DYNC2H1: variants seen among roughly 807,000 people sequenced by gnomAD.
The protein encoded by DYNC2H1 is dynein cytoplasmic 2 heavy chain 1.
DYNC2H1 carries 410 observed loss-of-function variants against 570.0 expected under a neutral mutation model. The ratio of observed to expected loss-of-function variants is 0.72; its 90% CI spans 0.66 to 0.78. The LOEUF (loss-of-function observed/expected upper bound fraction) is 0.78, where lower values mean the gene tolerates loss of function less well. Ranked by LOEUF, DYNC2H1 falls within the 30% of genes least tolerant of loss-of-function variation. The pLI is 0.00. For missense variants in DYNC2H1, 4,865 were observed against 5,046.4 expected (o/e 0.96, Z 1.09); for synonymous variants, 1,688 against 1,677.6 (o/e 1.01, Z -0.15).
chr11:103,327,525 A>C lies in DYNC2H1; in HGVS notation c.12039+3535A>C, dbSNP rs114330300. On this transcript the variant is annotated intron_variant, in intron 82 of 88. Transcript: ENST00000375735. Reference sequence around the variant, plus strand: ...ACCTTCTCTTGAAAGTTCTATTATTAACAGAACATGGCTTCTGCAACTGCT... The same window carrying C: ...ACCTTCTCTTGAAAGTTCTATTATTCACAGAACATGGCTTCTGCAACTGCT... 9.7e-3 allele frequency among the ~76,000 whole-genome samples: 1,470 copies of C among 152,306 alleles called. 19 individuals carry two copies. The highest frequency in any genetic ancestry group is 0.026 in the African/African-American group (1,093 of 41,566).
Position 103,186,294 on chromosome 11 carries a change from C to T in DYNC2H1, c.6686C>T (p.Thr2229Ile), listed in dbSNP as rs1327163269. The change falls in exon 42 of 89, where the codon ACC becomes ATC. Residue 2229 changes from threonine (T) to isoleucine (I), a missense_variant. By Grantham distance (89) the Thr-to-Ile change is moderately conservative (BLOSUM62 -1). Transcript: ENST00000375735. The surrounding 1 kb of genome is among the most constrained non-coding windows in gnomAD (Gnocchi z 4.5). ...CCAGACTTTCACAAACCTATGGATA[C>T]CTACTATGACTCTACTAGGGGTCGA... The part of the protein sequence containing the change: ...SPPDFHKPMD[T>I]YYDSTRGRLA... The T allele has an allele frequency of 6.2e-7, 1 of 1,612,340 alleles. No homozygotes were observed. Among genetic ancestry groups the T allele is most frequent in the Non-Finnish European group, 8.5e-7 (1 of 1,178,996 alleles).
At chr11:103,323,799 C>T in intron 81 of DYNC2H1, 87 bp from the exon 82 acceptor site, 1 of 971,512 alleles carries the variant, frequency 1.0e-6, no homozygotes, top group South Asian at 1.8e-5. Context: ...AATAATTGAA[C>T]ATTTCAAAGT....
At chr11:103,357,378 C>A (rs532555890) in intron 82 of DYNC2H1, among the ~76,000 whole-genome samples, 2 of 152,104 alleles carry the variant, frequency 1.3e-5, no homozygotes, top group African/African-American at 2.4e-5. Flanking sequence ...TTCATTAGAG[C>A]CTTGTATGTA....
chr11:103,188,977 C>T (rs901503388), intron 44 of DYNC2H1, among the ~76,000 whole-genome samples: 1 of 151,700 alleles, frequency 6.6e-6, no homozygotes, highest in Non-Finnish European at 1.5e-5. Flanking sequence ...ACAAAAATAC[C>T]ATCAAATTTA....
At position 103,268,222 on chromosome 11, in the gene DYNC2H1, T is replaced by C. The variant is rs1448145431; in HGVS notation, c.10695+8245T>C. On this transcript the variant is annotated intron_variant, in intron 70 of 88. Coordinates refer to ENST00000375735, the MANE Select transcript of DYNC2H1 (RefSeq NM_001377.3). The surrounding 1 kb of genome is among the most constrained non-coding windows in gnomAD (Gnocchi z 4.6). ...CTACCCACATAATAATAAAGGTATA[T>C]CTTTATCTCCTTTGTTGCACCTTAT... is the stretch of plus-strand genomic sequence containing the variant. Among the ~76,000 whole-genome samples, 1 of 152,080 alleles carries C rather than the reference T, an allele frequency of 6.6e-6. No homozygotes were observed. Among genetic ancestry groups the C allele is most frequent in the Non-Finnish European group, 1.5e-5 (1 of 67,938 alleles).
chr11:103,469,072 A>G (rs533975947), intron 88 of DYNC2H1, among the ~76,000 whole-genome samples: 51 of 152,290 alleles, frequency 3.3e-4, no homozygotes, highest in African/African-American at 1.2e-3. Flanking sequence ...CAGCCATGCA[A>G]GGCAGATATT....
At chr11:103,418,879 G>A (rs573233446) in intron 84 of DYNC2H1, among the ~76,000 whole-genome samples, 11 of 152,182 alleles carry the variant, frequency 7.2e-5, no homozygotes, top group South Asian at 4.1e-4. Flanking sequence ...CCTTGGGTCC[G>A]AAACACAGAG....
At chr11:103,389,245 G>C (rs2514394) in intron 83 of DYNC2H1, among the ~76,000 whole-genome samples, 3 of 152,024 alleles carry the variant, frequency 2.0e-5, no homozygotes, top group Admixed American at 1.3e-4. Context: ...TGTATGTGTC[G>C]AGGAATTTAT....
intron 88 of DYNC2H1, among the ~76,000 whole-genome samples, chr11:103,470,775 A>G (rs1489302494): frequency 1.3e-5 from 2 of 152,216 alleles, no homozygotes; most frequent in East Asian, 1.9e-4. Context: ...ATAGCATTCC[A>G]TGGTGTATAT....
At chr11:103,361,771 GAAAC>G (rs763161494) in intron 83 of DYNC2H1, among the ~76,000 whole-genome samples, 17 of 152,048 alleles carry the variant, frequency 1.1e-4, no homozygotes, top group East Asian at 9.7e-4. Context: ...TTATTATAGG[GAAAC>G]AAACAAACAA....
chr11:103,135,864 T>C lies in DYNC2H1; in HGVS notation c.2490T>C (p.Asp830=), dbSNP rs770171365. 1 of 1,612,980 alleles carries C rather than the reference T, an allele frequency of 6.2e-7. No homozygotes were observed. Among genetic ancestry groups the C allele is most frequent in the East Asian group, 2.2e-5 (1 of 44,854 alleles). Residue 830 remains aspartate, a synonymous_variant, in exon 17 of 89, where the codon GAT becomes GAC. Coordinates refer to ENST00000375735, the MANE Select transcript of DYNC2H1 (RefSeq NM_001377.3). ...AATCTATTTTTTCTATTATGATTGA[T>C]AGAAATGCAAGTGGATTTTTGACGA... ...GDESIFSIMI[D]RNASGFLTIF...
intron 82 of DYNC2H1, among the ~76,000 whole-genome samples, chr11:103,333,295 A>G (rs1054824854): frequency 2.0e-5 from 3 of 152,024 alleles, no homozygotes; most frequent in South Asian, 2.1e-4. Flanking sequence ...ACAGAGTCTC[A>G]CTCTGTTGCC....
Position 103,215,900 on chromosome 11 carries a change from A to G in DYNC2H1, c.8832+42A>G, listed in dbSNP as rs1863361634. On this transcript the variant is annotated intron_variant, in intron 55 of 88. Coordinates refer to ENST00000375735, the MANE Select transcript of DYNC2H1 (RefSeq NM_001377.3). ...CCACAAAAATGAAAACAATATGGAG[A>G]GCATTTATGCCTGATAGTCAGTGAA... 1.9e-6 allele frequency: 3 copies of G among 1,590,824 alleles called. No individual in the cohort carries two copies. In the Admixed American group the frequency reaches 5.3e-5, roughly 28 times the overall value.
chr11:103,285,740 A>C (rs1015531095), intron 73 of DYNC2H1, among the ~76,000 whole-genome samples: 1 of 152,000 alleles, frequency 6.6e-6, no homozygotes, highest in African/African-American at 2.4e-5. Flanking sequence ...GAGGAATTTG[A>C]TTAGATATTC....
intron 17 of DYNC2H1, among the ~76,000 whole-genome samples, chr11:103,142,799 T>C (rs893675711): frequency 6.6e-6 from 1 of 152,242 alleles, no homozygotes; most frequent in African/African-American, 2.4e-5. Flanking sequence ...TTTAAGTATA[T>C]CATCCCAACT....
Position 103,254,070 on chromosome 11 carries a change from G to C in DYNC2H1, c.10206+622G>C, listed in dbSNP as rs1335501239. Among the ~76,000 whole-genome samples, 2 of 151,522 alleles carry C rather than the reference G, an allele frequency of 1.3e-5. No homozygotes were observed. The highest frequency in any genetic ancestry group is 2.9e-5 in the Non-Finnish European group (2 of 67,838). On this transcript the variant is annotated intron_variant, in intron 66 of 88. Coordinates refer to ENST00000375735, the MANE Select transcript of DYNC2H1 (RefSeq NM_001377.3). This position sits in a 1 kb window ranked among gnomAD's most constrained non-coding sequence, Gnocchi z 4.9. ...CAATAGTAGATTTTTTTCATCTTTT[G>C]ATTTATATGATAGCATACATATTTG...
rs568001517 is a variant in DYNC2H1, at chr11:103,320,100, C to T, written c.11726-929C>T. ...CTAGTTTAAATGTAGTTATGTGTCTCCTGTATTTACTGTGATCTGAGATTT... is the reference window on the plus strand; with the variant it reads ...CTAGTTTAAATGTAGTTATGTGTCTTCTGTATTTACTGTGATCTGAGATTT... On this transcript the variant is annotated intron_variant, in intron 80 of 88. Transcript: ENST00000375735. Among the ~76,000 whole-genome samples the T allele has an allele frequency of 2.2e-4, 34 of 152,262 alleles. 1 individual carries two copies. The South Asian group carries it at 6.8e-3, about 31-fold the overall frequency.
chr11:103,283,144 T>C, intron 73 of DYNC2H1, 59 bp downstream of exon 73: 2 of 1,359,384 alleles, frequency 1.5e-6, no homozygotes, highest in South Asian at 2.6e-5. Context: ...ATTGTTTCTG[T>C]TGATACTTTG....
chr11:103,260,315 C>A lies in DYNC2H1; in HGVS notation c.10695+338C>A, dbSNP rs1137700. On this transcript the variant is annotated intron_variant, in intron 70 of 88. Transcript: ENST00000375735. ...AACTGACATTTTGGGCTACATAATT[C>A]TTTGTGTGTGGGATGTTGTTCTGTG... 3.7e-3 allele frequency among the ~76,000 whole-genome samples: 559 copies of A among 152,278 alleles called. 2 individuals are homozygous for A. Among genetic ancestry groups the A allele is most frequent in the African/African-American group, 0.013 (535 of 41,570 alleles).
Sources: gnomAD v4.1 joint callset for allele counts (sites outside exome capture counted in the v4.1 genomes callset) on GRCh38, gnomAD v4.1.1 for gene constraint, Gnocchi (gnomAD v3.1) non-coding constraint, MANE v1.5 for transcripts, NCBI Gene and HGNC (gene_info 2026-07-23, HGNC 2026-07-21) for gene names.